The following FAM110B variants were observed in gnomAD, a reference collection of about 807,000 sequenced individuals.
FAM110B encodes protein FAM110B.
FAM110B carries 6 observed loss-of-function variants against 20.4 expected under a neutral mutation model. The observed-to-expected ratio is 0.29, with a 90% CI of 0.16 to 0.58. The LOEUF (loss-of-function observed/expected upper bound fraction) is 0.58. Among genes scored for constraint, FAM110B ranks in the 20% least tolerant of loss-of-function variants. The probability of loss-of-function intolerance (pLI) is 0.90; values close to 1 mark genes in which losing one functional copy is unlikely to be tolerated. For synonymous variants in FAM110B, 226 were observed against 214.1 expected (o/e 1.06, Z -0.49); for missense variants, 434 against 498.2 (o/e 0.87, Z 1.23).
At position 58,146,501 on chromosome 8, in the gene FAM110B, C is replaced by T. The variant is rs1480782102; in HGVS notation, c.271C>T (p.Arg91Cys). ...AKPPVCPAAK[R>C]ALGSPTLKVF... Reference sequence around the variant, plus strand: ...GCCCCCGGTGTGCCCGGCTGCCAAGCGCGCACTGGGCAGCCCCACGCTCAA... The same window carrying T: ...GCCCCCGGTGTGCCCGGCTGCCAAGTGCGCACTGGGCAGCCCCACGCTCAA... The change falls in exon 4 of 4, where the codon CGC becomes TGC. Residue 91 changes from arginine (R) to cysteine (C), a missense_variant. Coordinates refer to ENST00000519262, the MANE Select transcript of FAM110B (RefSeq NM_001377989.1). 4.3e-6 allele frequency: 7 copies of T among 1,613,838 alleles called. No individual in the cohort carries two copies. The highest frequency in any genetic ancestry group is 1.1e-5 in the South Asian group (1 of 91,076).
intron 3 of FAM110B, among the ~76,000 whole-genome samples, chr8:58,131,277 T>C (rs1453917235): frequency 6.6e-6 from 1 of 152,166 alleles, no homozygotes; most frequent in Non-Finnish European, 1.5e-5. Context: ...ATGCTGCCTT[T>C]TTTTTTCTCT....
intron 3 of FAM110B, chr8:58,101,030 A>T (rs1372128060): frequency 6.6e-6 from 1 of 152,110 alleles, no homozygotes; most frequent in East Asian, 1.9e-4. Flanking sequence ...AAAAAAAATT[A>T]GCTGGGCATG....
At chr8:58,004,042 G>C (rs1334311572) in intron 1 of FAM110B, among the ~76,000 whole-genome samples, 1 of 152,116 alleles carries the variant, frequency 6.6e-6, no homozygotes, top group Non-Finnish European at 1.5e-5. Context: ...GGGGGATGGG[G>C]TGGGGGAGGG....
intron 3 of FAM110B, among the ~76,000 whole-genome samples, chr8:58,081,189 A>G (rs773321861): frequency 6.6e-6 from 1 of 152,138 alleles, no homozygotes; most frequent in Non-Finnish European, 1.5e-5. Context: ...AGTCCATGTA[A>G]GAGGCAGAAA....
chr8:58,119,185 T>C (rs1807291510), intron 3 of FAM110B, among the ~76,000 whole-genome samples: 1 of 152,178 alleles, frequency 6.6e-6, no homozygotes, highest in Admixed American at 6.5e-5. Context: ...TTCTCTTAAT[T>C]TGAGTTTAGA....
intron 3 of FAM110B, among the ~76,000 whole-genome samples, chr8:58,123,127 TC>T (rs1289152886): frequency 6.6e-6 from 1 of 152,174 alleles, no homozygotes. Context: ...CCTCCTGCTA[TC>T]AAACTGCTCC....
intron 3 of FAM110B, among the ~76,000 whole-genome samples, chr8:58,138,285 CAT>C (rs1803666902): frequency 6.6e-6 from 1 of 152,220 alleles, no homozygotes; most frequent in Non-Finnish European, 1.5e-5. Context: ...TTTGGGCAGA[CAT>C]TGTTTTCTGT....
At position 58,064,640 on chromosome 8, in the gene FAM110B, A is replaced by G. The variant is rs140796268; in HGVS notation, c.-413-10895A>G. Among the ~76,000 whole-genome samples the G allele has an allele frequency of 2.8e-3, 432 of 152,284 alleles. 3 individuals are homozygous for G. The highest frequency in any genetic ancestry group is 8.9e-3 in the East Asian group (46 of 5,176). The stretch of plus-strand genomic sequence containing the variant: ...TTGGCCTGGATGTTTTAATTTTGCC[A>G]TCATCCAAGTGGGGAGAATTTAGAT... On this transcript the variant is annotated intron_variant, in intron 2 of 3. Coordinates refer to ENST00000519262, the MANE Select transcript of FAM110B (RefSeq NM_001377989.1).
intron 3 of FAM110B, among the ~76,000 whole-genome samples, chr8:58,118,168 G>A (rs1039308480): frequency 1.2e-4 from 18 of 152,032 alleles, no homozygotes; most frequent in African/African-American, 4.3e-4. Flanking sequence ...AATCCCAAGG[G>A]ACCCAATTCA....
At chr8:58,043,638 C>T (rs1805262508) in intron 2 of FAM110B, among the ~76,000 whole-genome samples, 1 of 152,142 alleles carries the variant, frequency 6.6e-6, no homozygotes, top group Non-Finnish European at 1.5e-5. Context: ...ATCTGGAATA[C>T]ATCACTAATT....
intron 3 of FAM110B, among the ~76,000 whole-genome samples, chr8:58,108,678 T>C (rs1585893288): frequency 6.6e-6 from 1 of 152,194 alleles, no homozygotes. Context: ...CAGCTCCTGC[T>C]CCTCCTGTCT....
chr8:58,060,400 A>G (rs1805630776), intron 2 of FAM110B, among the ~76,000 whole-genome samples: 2 of 152,226 alleles, frequency 1.3e-5, no homozygotes, highest in African/African-American at 4.8e-5. Context: ...GAAAAGAAAT[A>G]TGTATGAAGG....
At chr8:58,097,366 T>A (rs1461441620) in intron 3 of FAM110B, among the ~76,000 whole-genome samples, 1 of 152,250 alleles carries the variant, frequency 6.6e-6, no homozygotes. Context: ...CTTCACAAAG[T>A]TGTCGTGCTG....
chr8:58,040,124 T>A (rs1368086773), intron 2 of FAM110B, among the ~76,000 whole-genome samples: 1 of 152,114 alleles, frequency 6.6e-6, no homozygotes, highest in Non-Finnish European at 1.5e-5. Flanking sequence ...AGCACTGGAA[T>A]TGGTCAGCGC....
At chr8:58,135,194 A>G (rs1034461245) in intron 3 of FAM110B, among the ~76,000 whole-genome samples, 8 of 152,170 alleles carry the variant, frequency 5.3e-5, no homozygotes, top group Non-Finnish European at 8.8e-5. Context: ...CAGTTTCCTC[A>G]TCTGTAAAAT....
At chr8:58,113,207 A>G (rs1307541156) in intron 3 of FAM110B, 1 of 152,264 alleles carries the variant, frequency 6.6e-6, no homozygotes, top group Non-Finnish European at 1.5e-5. Context: ...GCATCTTTTC[A>G]ATTGTTTCTT....
intron 1 of FAM110B, among the ~76,000 whole-genome samples, chr8:58,006,671 C>T (rs575970325): frequency 6.0e-5 from 9 of 150,676 alleles, no homozygotes; most frequent in East Asian, 5.9e-4. Context: ...GGCACGATCT[C>T]GGCTCACTGC....
At chr8:58,050,236 C>T (rs911661289) in intron 2 of FAM110B, among the ~76,000 whole-genome samples, 3 of 151,804 alleles carry the variant, frequency 2.0e-5, no homozygotes, top group African/African-American at 7.3e-5. Flanking sequence ...ATGTTCACAT[C>T]TGTGAGTTTA....
At chr8:58,069,674 C>T (rs1245309315) in intron 2 of FAM110B, among the ~76,000 whole-genome samples, 3 of 152,146 alleles carry the variant, frequency 2.0e-5, no homozygotes, top group African/African-American at 7.2e-5. Flanking sequence ...TAGAAATTTG[C>T]ATGGTATTTC....
Sources: gnomAD v4.1 joint callset for allele counts (sites outside exome capture counted in the v4.1 genomes callset) on GRCh38, gnomAD v4.1.1 for gene constraint, MANE v1.5 for transcripts, NCBI Gene and HGNC (gene_info 2026-07-23, HGNC 2026-07-21) for gene names.